Variants in APCDD1L observed in about 807,000 individuals in gnomAD.
APCDD1L encodes the protein protein APCDD1-like.
In APCDD1L, 21 loss-of-function variants were observed where a neutral mutation model predicts 24.2. The ratio of observed to expected loss-of-function variants is 0.87; its 90% CI spans 0.61 to 1.25. APCDD1L has a LOEUF of 1.25. Ranked by LOEUF, APCDD1L falls within the 50% of genes most tolerant of loss-of-function variation. The probability of loss-of-function intolerance (pLI) is 0.00; values close to 1 mark genes in which losing one functional copy is unlikely to be tolerated. For synonymous variants in APCDD1L, 321 were observed against 323.6 expected (o/e 0.99, Z 0.09); for missense variants, 704 against 711.7 (o/e 0.99, Z 0.12).
At chr20:58,469,360 G>A (rs1989770967) in intron 2 of APCDD1L, among the ~76,000 whole-genome samples, 1 of 152,186 alleles carries the variant, frequency 6.6e-6, no homozygotes, top group South Asian at 2.1e-4. Context: ...GGCCTGGAGA[G>A]GGGAGATTTG....
intron 3 of APCDD1L, among the ~76,000 whole-genome samples, chr20:58,464,856 C>CTTT (rs11415092): frequency 1.4e-5 from 2 of 146,480 alleles, no homozygotes; most frequent in African/African-American, 2.5e-5. Flanking sequence ...TTCTTTCTTT[C>CTTT]TTTTTTTTTT....
Position 58,515,091 on chromosome 20 carries a change from A to C in APCDD1L, c.-384T>G. On this transcript the variant is annotated 5_prime_UTR_variant, in exon 1 of 4. Coordinates refer to ENST00000371149, the MANE Select transcript of APCDD1L (RefSeq NM_153360.3). ...CGCAGTGGGCAAGGAGGCCTCCCCC[A>C]AGCTCTGGTCCCGGCCAAGGCAGAG... 1 of 193,776 alleles carries C rather than the reference A, an allele frequency of 5.2e-6. No individual in the cohort carries two copies. Among genetic ancestry groups the C allele is most frequent in the East Asian group, 1.2e-4 (1 of 8,378 alleles). 12.0% of individuals were successfully genotyped at this position (193,776 alleles called of 1,614,324 possible). A position where few individuals can be genotyped will look rare whatever the true frequency, so the allele number is the denominator to read the frequency against.
At chr20:58,501,306 G>A (rs1990433338) in intron 1 of APCDD1L, among the ~76,000 whole-genome samples, 1 of 152,206 alleles carries the variant, frequency 6.6e-6, no homozygotes, top group Non-Finnish European at 1.5e-5. Flanking sequence ...TGTATTTGGA[G>A]ACAGGGCTTT....
chr20:58,464,001 T>C (rs1242548674), intron 3 of APCDD1L, among the ~76,000 whole-genome samples: 1 of 151,878 alleles, frequency 6.6e-6, no homozygotes, highest in African/African-American at 2.4e-5. Context: ...GCTTTGGTTA[T>C]GGGGATTTGG....
At chr20:58,492,963 A>G (rs1462162859) in intron 1 of APCDD1L, among the ~76,000 whole-genome samples, 1 of 152,032 alleles carries the variant, frequency 6.6e-6, no homozygotes, top group East Asian at 1.9e-4. Context: ...ATGCATACAC[A>G]CATACACATG....
chr20:58,460,909 A>T lies in APCDD1L; in HGVS notation c.1387T>A (p.Ser463Thr). The change falls in exon 4 of 4, where the codon TCC becomes ACC. Residue 463 changes from serine (S) to threonine (T), a missense_variant. Ser to Thr is a moderately conservative substitution (Grantham distance 58). Transcript: ENST00000371149. The surrounding 1 kb of genome is among the most constrained non-coding windows in gnomAD (Gnocchi z 4.2). Reference protein sequence around the residue: ...VLCHGEAPDFSRPPQHRPSLQ... With the variant: ...VLCHGEAPDFTRPPQHRPSLQ... ...GATGGCCTGTGCTGCGGTGGCCTGG[A>T]GAAGTCGGGGGCCTCCCCATGACAG... is the stretch of plus-strand genomic sequence containing the variant. 1 of 1,610,988 alleles carries T rather than the reference A, an allele frequency of 6.2e-7. No homozygotes were observed. Among genetic ancestry groups the T allele is most frequent in the Non-Finnish European group, 8.5e-7 (1 of 1,177,926 alleles).
chr20:58,504,802 T>C (rs1198130985), intron 1 of APCDD1L, among the ~76,000 whole-genome samples: 1 of 152,176 alleles, frequency 6.6e-6, no homozygotes, highest in Non-Finnish European at 1.5e-5. Context: ...CCCAGGAACA[T>C]CGATCTGCCT....
chr20:58,477,197 G>A (rs1989926423), intron 1 of APCDD1L, among the ~76,000 whole-genome samples: 1 of 152,188 alleles, frequency 6.6e-6, no homozygotes, highest in Non-Finnish European at 1.5e-5. Context: ...TCAATACAGT[G>A]TTCTTAACGA....
intron 1 of APCDD1L, among the ~76,000 whole-genome samples, chr20:58,507,030 C>T (rs953607237): frequency 6.6e-6 from 1 of 152,150 alleles, no homozygotes; most frequent in Non-Finnish European, 1.5e-5. Flanking sequence ...ACTCAAATCT[C>T]ATCTTGAATT....
intron 1 of APCDD1L, among the ~76,000 whole-genome samples, chr20:58,495,521 C>T (rs991573783): frequency 6.6e-6 from 1 of 152,246 alleles, no homozygotes; most frequent in African/African-American, 2.4e-5. Context: ...TTCAACCCCC[C>T]TGTGCCCCGA....
intron 1 of APCDD1L, among the ~76,000 whole-genome samples, chr20:58,505,857 C>T (rs1028138644): frequency 6.6e-6 from 1 of 152,134 alleles, no homozygotes; most frequent in Non-Finnish European, 1.5e-5. Flanking sequence ...AGATGAGACA[C>T]AGTGATAGAG....
Position 58,461,588 on chromosome 20 carries a change from C to T in APCDD1L, c.742-34G>A. The stretch of plus-strand genomic sequence containing the variant: ...AGACAAACAGAAAAACGGTGGTTGT[C>T]CCACATAGAGAAGTTGGGGTGCAGC... On this transcript the variant is annotated intron_variant, in intron 3 of 3. Transcript: ENST00000371149. The surrounding 1 kb of genome is among the most constrained non-coding windows in gnomAD (Gnocchi z 6.0). 1.4e-6 allele frequency: 2 copies of T among 1,406,542 alleles called. No homozygotes were observed. Among genetic ancestry groups the T allele is most frequent in the South Asian group, 1.8e-5 (1 of 56,372 alleles). 87.1% of individuals were successfully genotyped at this position (1,406,542 alleles called of 1,614,324 possible).
chr20:58,469,299 G>C (rs1396366404), intron 2 of APCDD1L, among the ~76,000 whole-genome samples: 1 of 152,096 alleles, frequency 6.6e-6, no homozygotes, highest in African/African-American at 2.4e-5. Flanking sequence ...GTAAATACTA[G>C]TATAGGTACT....
chr20:58,489,527 CA>C (rs1175731936), intron 1 of APCDD1L, among the ~76,000 whole-genome samples: 1 of 151,614 alleles, frequency 6.6e-6, no homozygotes, highest in African/African-American at 2.4e-5. Flanking sequence ...ACTAAAAATA[CA>C]AAAAAATTAG....
At chr20:58,493,580 C>T (rs1600867785) in intron 1 of APCDD1L, among the ~76,000 whole-genome samples, 1 of 152,146 alleles carries the variant, frequency 6.6e-6, no homozygotes, top group East Asian at 1.9e-4. Flanking sequence ...AACATAATAT[C>T]GAGTGCCAAA....
At chr20:58,471,921 G>A (rs1355812950) in intron 1 of APCDD1L, among the ~76,000 whole-genome samples, 1 of 152,186 alleles carries the variant, frequency 6.6e-6, no homozygotes, top group Non-Finnish European at 1.5e-5. Context: ...TCCAGGGGAT[G>A]TGGGGGCCTG....
Position 58,514,779 on chromosome 20 carries a change from C to A in APCDD1L, c.-72G>T. 1.7e-6 allele frequency: 2 copies of A among 1,208,048 alleles called. No individual in the cohort carries two copies. Among genetic ancestry groups the A allele is most frequent in the Non-Finnish European group, 2.1e-6 (2 of 952,732 alleles). 74.8% of individuals were successfully genotyped at this position (1,208,048 alleles called of 1,614,324 possible). The stretch of plus-strand genomic sequence containing the variant: ...CAAGGGGAGGCGCGGGCGCAGGGCT[C>A]TCGGACGGCTGCGGGCGCCGGCGGC... On this transcript the variant is annotated 5_prime_UTR_variant, in exon 1 of 4. Coordinates refer to ENST00000371149, the MANE Select transcript of APCDD1L (RefSeq NM_153360.3).
intron 2 of APCDD1L, among the ~76,000 whole-genome samples, chr20:58,468,011 C>T (rs1421215139): frequency 6.6e-6 from 1 of 152,118 alleles, no homozygotes; most frequent in African/African-American, 2.4e-5. Context: ...GGCACCTGGC[C>T]CAGAGCCCGC....
At chr20:58,489,583 C>T (rs1415204443) in intron 1 of APCDD1L, among the ~76,000 whole-genome samples, 1 of 151,658 alleles carries the variant, frequency 6.6e-6, no homozygotes, top group Non-Finnish European at 1.5e-5. Context: ...ACTTTGGAGG[C>T]TGAGGCAGGA....
Sources: allele counts gnomAD v4.1 joint callset (sites outside exome capture counted in the v4.1 genomes callset), GRCh38; gene constraint gnomAD v4.1.1; non-coding constraint Gnocchi (gnomAD v3.1); transcripts MANE v1.5; gene names NCBI Gene and HGNC (gene_info 2026-07-23, HGNC 2026-07-21).